The following PATJ variants were observed in gnomAD, a reference collection of about 807,000 sequenced individuals.
The protein encoded by PATJ is inaD-like protein.
PATJ carries 190 observed loss-of-function variants against 224.9 expected under a neutral mutation model. That is an observed-to-expected ratio of 0.84 (90% CI 0.75 to 0.95). PATJ has a LOEUF of 0.95. Ranked by LOEUF, PATJ falls within the 40% of genes least tolerant of loss-of-function variation. The pLI is 0.00. For synonymous variants in PATJ, 769 were observed against 820.3 expected (o/e 0.94, Z 1.07); for missense variants, 2,121 against 2,270.3 (o/e 0.93, Z 1.34).
intron 41 of PATJ, among the ~76,000 whole-genome samples, chr1:62,136,492 T>C (rs1666882427): frequency 6.6e-6 from 1 of 151,728 alleles, no homozygotes. Flanking sequence ...TGTGTGTGTG[T>C]GTGTGTGTGT....
At chr1:61,855,236 G>T (rs973191841) in intron 17 of PATJ, among the ~76,000 whole-genome samples, 1 of 152,148 alleles carries the variant, frequency 6.6e-6, no homozygotes, top group Non-Finnish European at 1.5e-5. Context: ...GCTTGAGAAT[G>T]TCAGAGAATC....
intron 43 of PATJ, among the ~76,000 whole-genome samples, chr1:62,156,316 G>A (rs567177944): frequency 1.6e-3 from 248 of 152,048 alleles, no homozygotes; most frequent in African/African-American, 5.7e-3. Context: ...GATCACTTGA[G>A]GTCAGGAGTT....
At chr1:61,838,521 AT>A (rs34877280) in intron 17 of PATJ, among the ~76,000 whole-genome samples, 6,006 of 115,542 alleles carry the variant, frequency 0.052, 131 homozygotes, top group South Asian at 0.13. Flanking sequence ...CGCCTGGCTA[AT>A]TTTTTTTTTT....
intron 22 of PATJ, among the ~76,000 whole-genome samples, chr1:61,891,670 C>A (rs950106078): frequency 1.3e-5 from 2 of 152,172 alleles, no homozygotes; most frequent in African/African-American, 4.8e-5. Context: ...CTAATTCAGG[C>A]TCTACAGAAG....
chr1:61,991,711 G>A (rs1311137294), intron 28 of PATJ: 2 of 984,138 alleles, frequency 2.0e-6, no homozygotes, highest in African/African-American at 1.7e-5. Flanking sequence ...ACCCACATTG[G>A]GTCGTAACAC....
In PATJ at chr1:62,116,524, A is replaced by G. The variant is rs767260824; in HGVS notation, c.4656-8A>G. On this transcript the variant is annotated splice_region_variant and splice_polypyrimidine_tract_variant and intron_variant, in intron 35 of 43. Coordinates refer to ENST00000642238, the MANE Select transcript of PATJ (RefSeq NM_001350145.3). Reference sequence around the variant, plus strand: ...TGCCAATACTGCACTGCTGTATGGTATTAACAGAAATGGAAGCGGAGTGTT... The same window carrying G: ...TGCCAATACTGCACTGCTGTATGGTGTTAACAGAAATGGAAGCGGAGTGTT... 6.8e-6 allele frequency: 11 copies of G among 1,613,724 alleles called. No individual in the cohort carries two copies. Among genetic ancestry groups the G allele is most frequent in the Non-Finnish European group, 9.3e-6 (11 of 1,179,884 alleles).
At chr1:61,770,665 A>G (rs1646548194) in intron 5 of PATJ, among the ~76,000 whole-genome samples, 1 of 152,094 alleles carries the variant, frequency 6.6e-6, no homozygotes, top group Non-Finnish European at 1.5e-5. Context: ...AGATTGGCCA[A>G]GCTCAGTGTC....
At chr1:61,879,567 A>G (rs561881469) in intron 21 of PATJ, among the ~76,000 whole-genome samples, 11 of 151,738 alleles carry the variant, frequency 7.2e-5, no homozygotes, top group Non-Finnish European at 1.3e-4. Flanking sequence ...GTATGGTGAG[A>G]AGAAAAAATA....
chr1:62,038,104 T>C, intron 30 of PATJ, 55 bp downstream of exon 30: 1 of 1,096,722 alleles, frequency 9.1e-7, no homozygotes, highest in Non-Finnish European at 1.3e-6. Flanking sequence ...TCATGAGCAT[T>C]TTCCCCCAAT....
intron 1 of PATJ, among the ~76,000 whole-genome samples, chr1:61,748,590 T>C (rs1028798227): frequency 6.6e-6 from 1 of 152,130 alleles, no homozygotes; most frequent in Non-Finnish European, 1.5e-5. Flanking sequence ...TTATAGGTCC[T>C]CTCTATAACC....
At chr1:62,079,315 C>T in intron 31 of PATJ, 135 bp from the exon 32 acceptor site, 2 of 602,394 alleles carry the variant, frequency 3.3e-6, no homozygotes, top group Non-Finnish European at 5.9e-6. Flanking sequence ...AACTTCTTGC[C>T]ACCCTCCAAC....
chr1:62,024,828 G>T (rs1647528421), intron 29 of PATJ, among the ~76,000 whole-genome samples: 2 of 151,992 alleles, frequency 1.3e-5, no homozygotes, highest in South Asian at 2.1e-4. Context: ...TTACATTTTG[G>T]CAATATGATA....
intron 13 of PATJ, among the ~76,000 whole-genome samples, chr1:61,806,792 C>G (rs916782418): frequency 6.6e-6 from 1 of 152,040 alleles, no homozygotes; most frequent in Admixed American, 6.6e-5. Flanking sequence ...GTTTGGTATT[C>G]AAATAAATTT....
intron 39 of PATJ, among the ~76,000 whole-genome samples, chr1:62,127,708 G>A (rs1665868219): frequency 6.6e-6 from 1 of 152,186 alleles, no homozygotes; most frequent in South Asian, 2.1e-4. Context: ...TCAGGAGGCT[G>A]AGGCAGGAAA....
chr1:62,054,068 T>C (rs1217425672), intron 31 of PATJ, among the ~76,000 whole-genome samples: 1 of 152,056 alleles, frequency 6.6e-6, no homozygotes, highest in African/African-American at 2.4e-5. Flanking sequence ...TTTTGGTAGG[T>C]AAAAATTTCA....
intron 18 of PATJ, among the ~76,000 whole-genome samples, chr1:61,858,063 T>C (rs1165301498): frequency 1.3e-5 from 2 of 152,188 alleles, no homozygotes; most frequent in Non-Finnish European, 2.9e-5. Flanking sequence ...AAGAAATACC[T>C]GAGACTGGAC....
intron 33 of PATJ, among the ~76,000 whole-genome samples, chr1:62,100,916 C>T (rs546696056): frequency 4.6e-5 from 7 of 152,236 alleles, no homozygotes; most frequent in Non-Finnish European, 1.0e-4. Flanking sequence ...GATCAATCAA[C>T]TTTATCAGGG....
chr1:61,804,872 C>T (rs1653210036), intron 12 of PATJ, among the ~76,000 whole-genome samples: 1 of 152,082 alleles, frequency 6.6e-6, no homozygotes, highest in Non-Finnish European at 1.5e-5. Flanking sequence ...TAGTGTGAAA[C>T]CAAAGTTTCT....
At chr1:61,750,244 T>G (rs1645245710) in intron 1 of PATJ, among the ~76,000 whole-genome samples, 1 of 152,194 alleles carries the variant, frequency 6.6e-6, no homozygotes, top group Admixed American at 6.5e-5. Context: ...GGTCCTGCCC[T>G]TGCTTTGACC....
Sources: allele counts gnomAD v4.1 joint callset (sites outside exome capture counted in the v4.1 genomes callset), GRCh38; gene constraint gnomAD v4.1.1; transcripts MANE v1.5; gene names NCBI Gene and HGNC (gene_info 2026-07-23, HGNC 2026-07-21).